Variants in PARP8 observed in about 807,000 individuals in gnomAD.
PARP8 encodes poly(ADP-ribose) polymerase family member 8, also known as protein mono-ADP-ribosyltransferase PARP8.
PARP8 carries 51 observed loss-of-function variants against 124.1 expected under a neutral mutation model. That is an observed-to-expected ratio of 0.41 (90% CI 0.33 to 0.52). The LOEUF (loss-of-function observed/expected upper bound fraction) is 0.52. Ranked by LOEUF, PARP8 falls within the 20% of genes least tolerant of loss-of-function variation. PARP8 has a pLI of 0.21. For missense variants in PARP8, 860 were observed against 1,018.9 expected, an observed-to-expected ratio of 0.84 and a Z score of 2.12; for synonymous variants, 391 against 361.5, an observed-to-expected ratio of 1.08 and a Z score of -0.93.
chr5:50,762,895 T>A (rs1372253137), intron 6 of PARP8, among the ~76,000 whole-genome samples: 3 of 152,266 alleles, frequency 2.0e-5, no homozygotes, highest in African/African-American at 4.8e-5. Context: ...TTTTTTAGAT[T>A]ATCTGCCAGA....
intron 14 of PARP8, among the ~76,000 whole-genome samples, chr5:50,811,757 A>G (rs1437775625): frequency 3.3e-5 from 5 of 151,936 alleles, no homozygotes; most frequent in African/African-American, 1.2e-4. Context: ...CCCTGCAACA[A>G]GCCCTGGTGT....
intron 2 of PARP8, among the ~76,000 whole-genome samples, chr5:50,670,465 T>TA: frequency 6.6e-6 from 1 of 152,366 alleles, no homozygotes; most frequent in Admixed American, 6.5e-5. Flanking sequence ...ATGTTACTAT[T>TA]AAAAAAAAAT....
At chr5:50,668,037 C>T (rs1347071291) in intron 1 of PARP8, 34 bp from the exon 2 acceptor site, 3 of 1,611,854 alleles carry the variant, frequency 1.9e-6, no homozygotes, top group Non-Finnish European at 1.7e-6. Context: ...AAATCCACTC[C>T]AGGGGTAGCT....
chr5:50,708,331 T>G lies in PARP8; in HGVS notation c.146+40206T>G, dbSNP rs1038213583. Reference sequence around the variant, plus strand: ...CATGTGTCATATTCTCTTTTCTGGATGCCATATTCTTCTTGTTTTACTGAA... The same window carrying G: ...CATGTGTCATATTCTCTTTTCTGGAGGCCATATTCTTCTTGTTTTACTGAA... On this transcript the variant is annotated intron_variant, in intron 2 of 25. Transcript: ENST00000281631. 9.2e-5 allele frequency among the ~76,000 whole-genome samples: 14 copies of G among 152,148 alleles called. No homozygotes were observed. In the East Asian group the frequency reaches 9.6e-4, roughly 10 times the overall value.
At position 50,666,882 on chromosome 5, in the gene PARP8, G is replaced by A. The variant is rs1749335351; in HGVS notation, c.-214G>A. ...GAGCAGCAGCTGGGCGGTCACATCT[G>A]GGAATGCAAAGCCGACCTCCCCCTC... On this transcript the variant is annotated 5_prime_UTR_variant, in exon 1 of 26. Transcript: ENST00000281631. The A allele has an allele frequency of 1.4e-6, 2 of 1,397,322 alleles. No individual in the cohort carries two copies. Among genetic ancestry groups the A allele is most frequent in the South Asian group, 3.0e-5 (2 of 66,314 alleles). 86.6% of individuals were successfully genotyped at this position (1,397,322 alleles called of 1,614,324 possible).
chr5:50,763,105 C>T (rs753173556), intron 6 of PARP8, 43 bp from the exon 7 acceptor site: 1 of 1,481,370 alleles, frequency 6.8e-7, no homozygotes, highest in East Asian at 2.3e-5. Flanking sequence ...GTTTTTGATT[C>T]TGTTCACTTC....
In PARP8 at chr5:50,842,260, G is replaced by A. The variant is rs1580533606; in HGVS notation, c.*192G>A. 5 of 429,786 alleles carry A rather than the reference G, an allele frequency of 1.2e-5. No homozygotes were observed. Among genetic ancestry groups the A allele is most frequent in the Admixed American group, 9.2e-5 (2 of 21,838 alleles). 26.6% of individuals were successfully genotyped at this position (429,786 alleles called of 1,614,324 possible). A position where few individuals can be genotyped will look rare whatever the true frequency, so the allele number is the denominator to read the frequency against. On this transcript the variant is annotated 3_prime_UTR_variant, in exon 26 of 26. Coordinates refer to ENST00000281631, the MANE Select transcript of PARP8 (RefSeq NM_024615.4). ...AATGGTATAAGATTTATCAATTGTA[G>A]GGTTATGGAATCTAGTAATAAAATT...
At chr5:50,684,494 G>A (rs929129549) in intron 2 of PARP8, among the ~76,000 whole-genome samples, 5 of 151,346 alleles carry the variant, frequency 3.3e-5, no homozygotes, top group African/African-American at 1.2e-4. Flanking sequence ...GATAATGAAG[G>A]TTTTATATAT....
chr5:50,780,232 A>G (rs1740516900), intron 9 of PARP8, among the ~76,000 whole-genome samples: 2 of 152,222 alleles, frequency 1.3e-5, no homozygotes, highest in Admixed American at 1.3e-4. Context: ...ATTTCAGCCC[A>G]TAGTTGTATG....
At chr5:50,820,687 G>A (rs1437007302) in intron 15 of PARP8, among the ~76,000 whole-genome samples, 2 of 152,176 alleles carry the variant, frequency 1.3e-5, no homozygotes, top group Admixed American at 6.5e-5. Flanking sequence ...ACAGCTTCTC[G>A]CCAGATGGTC....
At chr5:50,781,443 G>A (rs568079242) in intron 9 of PARP8, among the ~76,000 whole-genome samples, 4 of 152,206 alleles carry the variant, frequency 2.6e-5, no homozygotes, top group Non-Finnish European at 2.9e-5. Context: ...TTAGTGTGAT[G>A]TGTGAACAGT....
chr5:50,678,534 G>A (rs1271937628), intron 2 of PARP8, among the ~76,000 whole-genome samples: 1 of 151,976 alleles, frequency 6.6e-6, no homozygotes, highest in Admixed American at 6.6e-5. Flanking sequence ...ATATATATAG[G>A]TACATATATA....
At chr5:50,785,331 G>T (rs1741125890) in intron 9 of PARP8, among the ~76,000 whole-genome samples, 1 of 152,078 alleles carries the variant, frequency 6.6e-6, no homozygotes, top group Admixed American at 6.6e-5. Context: ...ATAAACATTT[G>T]TGTCTAGTGT....
chr5:50,796,108 T>C (rs1742519557), intron 12 of PARP8, among the ~76,000 whole-genome samples: 1 of 152,370 alleles, frequency 6.6e-6, no homozygotes, highest in East Asian at 1.9e-4. Flanking sequence ...ATGCTAGTGA[T>C]AAATTCATAG....
At chr5:50,755,191 C>A (rs1048456578) in intron 3 of PARP8, among the ~76,000 whole-genome samples, 1 of 152,112 alleles carries the variant, frequency 6.6e-6, no homozygotes, top group African/African-American at 2.4e-5. Context: ...TTAATTAGAT[C>A]CCATTTGCCA....
At position 50,760,568 on chromosome 5, in the gene PARP8, G is replaced by T. The variant is rs377179868; in HGVS notation, c.345+206G>T. On this transcript the variant is annotated intron_variant, in intron 5 of 25. Transcript: ENST00000281631. Reference sequence around the variant, plus strand: ...AAAGTTCCCCTTAAAATCATAGAAAGAAATGTCTGGTTTAAATCTAAATAA... The same window carrying T: ...AAAGTTCCCCTTAAAATCATAGAAATAAATGTCTGGTTTAAATCTAAATAA... Among the ~76,000 whole-genome samples the T allele has an allele frequency of 2.2e-4, 34 of 152,098 alleles. No individual in the cohort carries two copies. In the South Asian group the frequency reaches 6.6e-3, roughly 30 times the overall value.
chr5:50,787,209 A>G (rs761871768), intron 9 of PARP8, among the ~76,000 whole-genome samples: 7 of 152,098 alleles, frequency 4.6e-5, no homozygotes, highest in African/African-American at 1.4e-4. Flanking sequence ...ACGAAGTTCT[A>G]TATATCTTGC....
intron 22 of PARP8, among the ~76,000 whole-genome samples, chr5:50,830,199 A>C (rs1025500862): frequency 6.6e-6 from 1 of 152,140 alleles, no homozygotes; most frequent in Non-Finnish European, 1.5e-5. Context: ...TATTCCTTAC[A>C]TTTATTCCTT....
intron 9 of PARP8, among the ~76,000 whole-genome samples, chr5:50,780,314 C>G (rs1210294586): frequency 6.6e-6 from 1 of 152,072 alleles, no homozygotes; most frequent in Admixed American, 6.6e-5. Context: ...TTGAAATATA[C>G]TAATTTGATT....
Sources: gnomAD v4.1 joint callset for allele counts (sites outside exome capture counted in the v4.1 genomes callset) on GRCh38, gnomAD v4.1.1 for gene constraint, MANE v1.5 for transcripts, NCBI Gene and HGNC (gene_info 2026-07-23, HGNC 2026-07-21) for gene names.